The following VSTM2A variants were observed in gnomAD, a reference collection of about 807,000 sequenced individuals.
VSTM2A encodes the protein V-set and transmembrane domain containing 2A, also known as V-set and transmembrane domain-containing protein 2A.
A neutral mutation model predicts 27.3 loss-of-function variants in VSTM2A; 13 were observed. That is an observed-to-expected ratio of 0.48 (90% CI 0.31 to 0.76). The LOEUF (loss-of-function observed/expected upper bound fraction) is 0.76. Ranked by LOEUF, VSTM2A falls within the 30% of genes least tolerant of loss-of-function variation. The probability of loss-of-function intolerance (pLI) is 0.05; values close to 1 mark genes in which losing one functional copy is unlikely to be tolerated. For missense variants in VSTM2A, 280 were observed against 310.0 expected (o/e 0.90, Z 0.73); for synonymous variants, 142 against 125.7 (o/e 1.13, Z -0.87).
intron 4 of VSTM2A, among the ~76,000 whole-genome samples, chr7:54,567,579 A>G (rs1255092181): frequency 6.6e-6 from 1 of 152,212 alleles, no homozygotes; most frequent in Non-Finnish European, 1.5e-5. Context: ...AATTCGAGCC[A>G]ATCTGCAATG....
chr7:54,546,927 C>A lies in VSTM2A; in HGVS notation c.247-20C>A, dbSNP rs781595003. 3.1e-6 allele frequency: 5 copies of A among 1,598,702 alleles called. No individual in the cohort carries two copies. The highest frequency in any genetic ancestry group is 4.3e-6 in the Non-Finnish European group (5 of 1,174,994). ...CGGGCGGGCCTGGCGCGGGACTGAG[C>A]GTTCGCTCCTTGCCCGCAGGTGGAG... On this transcript the variant is annotated intron_variant, in intron 2 of 4. Transcript: ENST00000402613.
At chr7:54,555,401 G>A (rs1313785188) in intron 4 of VSTM2A, among the ~76,000 whole-genome samples, 1 of 152,092 alleles carries the variant, frequency 6.6e-6, no homozygotes, top group Non-Finnish European at 1.5e-5. Flanking sequence ...TTTCCATTTG[G>A]TATTGCCTGA....
At chr7:54,547,225 A>G (rs985360735) in intron 3 of VSTM2A, 1 of 463,206 alleles carries the variant, frequency 2.2e-6, no homozygotes, top group African/African-American at 2.0e-5. Flanking sequence ...TTTGCTATCC[A>G]GAGAGGTTGT....
At chr7:54,544,342 T>C (rs184657803) in intron 1 of VSTM2A, among the ~76,000 whole-genome samples, 1 of 152,240 alleles carries the variant, frequency 6.6e-6, no homozygotes, top group Non-Finnish European at 1.5e-5. Flanking sequence ...AAAAGGTATT[T>C]GGATCTACCT....
Position 54,569,996 on chromosome 7 carries a change from A to G in VSTM2A, c.*777A>G, listed in dbSNP as rs1029641931. 1.3e-5 allele frequency: 2 copies of G among 152,108 alleles called. No individual in the cohort carries two copies. Among genetic ancestry groups the G allele is most frequent in the Non-Finnish European group, 2.9e-5 (2 of 68,022 alleles). The allele number at this position is 152,108 out of a possible 1,614,324, so 9.4% of individuals were successfully genotyped here. ...TTGACGAAGCATTTGTTTTTCGTTG[A>G]TAATTCATACACTGCGTGAATTTTG... On this transcript the variant is annotated 3_prime_UTR_variant, in exon 5 of 5. Transcript: ENST00000402613.
At chr7:54,562,901 A>G (rs1788606529) in intron 4 of VSTM2A, among the ~76,000 whole-genome samples, 1 of 152,254 alleles carries the variant, frequency 6.6e-6, no homozygotes, top group Non-Finnish European at 1.5e-5. Flanking sequence ...GCTAACGAAT[A>G]ATGAAAGCAG....
Position 54,543,849 on chromosome 7 carries a change from T to A in VSTM2A, c.80-773T>A, listed in dbSNP as rs566147084. On this transcript the variant is annotated intron_variant, in intron 1 of 4. Transcript: ENST00000402613. ...AAATGCCTTTAGGAGGAAGGAAACA[T>A]TATATTTTTGTGAGTTTCACCAGGG... is the stretch of plus-strand genomic sequence containing the variant. 5.9e-5 allele frequency among the ~76,000 whole-genome samples: 9 copies of A among 152,258 alleles called. No individual in the cohort carries two copies. The South Asian group carries it at 1.9e-3, about 32-fold the overall frequency.
chr7:54,549,576 T>TG (rs999674931), intron 3 of VSTM2A, among the ~76,000 whole-genome samples: 15 of 152,050 alleles, frequency 9.9e-5, no homozygotes, highest in African/African-American at 3.6e-4. Context: ...ATGTAGACAA[T>TG]GGGGGGCACG....
At chr7:54,559,098 A>T (rs1228485321) in intron 4 of VSTM2A, 1 of 152,116 alleles carries the variant, frequency 6.6e-6, no homozygotes, top group Non-Finnish European at 1.5e-5. Flanking sequence ...ATTAAAAGTG[A>T]TCATATAATA....
intron 4 of VSTM2A, among the ~76,000 whole-genome samples, chr7:54,561,357 A>C (rs1336575430): frequency 6.6e-6 from 1 of 151,688 alleles, no homozygotes; most frequent in African/African-American, 2.4e-5. Context: ...AATATACATG[A>C]AGTTTAATGT....
chr7:54,564,697 T>C (rs1417066445), intron 4 of VSTM2A, among the ~76,000 whole-genome samples: 1 of 152,150 alleles, frequency 6.6e-6, no homozygotes, highest in East Asian at 1.9e-4. Context: ...AATGTAAACT[T>C]TCCTGGGCCC....
chr7:54,542,949 G>C (rs866239180), intron 1 of VSTM2A, 140 bp downstream of exon 1: 14 of 799,000 alleles, frequency 1.8e-5, no homozygotes, highest in Middle Eastern at 4.7e-4. Context: ...TGTTCTGTTT[G>C]ACGATTTTTT....
intron 4 of VSTM2A, among the ~76,000 whole-genome samples, chr7:54,562,174 G>A (rs372098375): frequency 7.9e-5 from 12 of 152,186 alleles, no homozygotes; most frequent in East Asian, 7.7e-4. Context: ...TGTCTGCCTC[G>A]GCCTCCCAAA....
chr7:54,542,751 G>GT lies in VSTM2A; in HGVS notation c.22dup (p.Tyr8LeufsTer100). On this transcript the variant is annotated frameshift_variant, in exon 1 of 5. Coordinates refer to ENST00000402613, the MANE Select transcript of VSTM2A (RefSeq NM_001301009.2). LOFTEE classifies it high-confidence loss of function. ...TTGGAATGATGGGGATCTTTTTGGT[G>GT]TATGTTGGATTTGTTTTCTTTTCCG... The GT allele has an allele frequency of 6.2e-7, 1 of 1,613,898 alleles. No homozygotes were observed. Among genetic ancestry groups the GT allele is most frequent in the Non-Finnish European group, 8.5e-7 (1 of 1,179,846 alleles).
chr7:54,546,443 C>T (rs1416232906), intron 2 of VSTM2A, among the ~76,000 whole-genome samples: 1 of 151,628 alleles, frequency 6.6e-6, no homozygotes, highest in Admixed American at 6.6e-5. Context: ...CGGGGCGGGA[C>T]GGCAGGCGGG....
chr7:54,544,202 C>A (rs2115749886), intron 1 of VSTM2A, among the ~76,000 whole-genome samples: 1 of 152,326 alleles, frequency 6.6e-6, no homozygotes, highest in Non-Finnish European at 1.5e-5. Flanking sequence ...TTACATGAAA[C>A]ATCCAGTTAG....
At chr7:54,544,478 C>T (rs1203154026) in intron 1 of VSTM2A, 144 bp from the exon 2 acceptor site, 4 of 978,538 alleles carry the variant, frequency 4.1e-6, no homozygotes, top group Non-Finnish European at 4.7e-6. Context: ...AGGAAGGGGG[C>T]TGGGGGAACC....
At chr7:54,547,112 C>G in intron 3 of VSTM2A, 115 bp downstream of exon 3, 1 of 1,219,528 alleles carries the variant, frequency 8.2e-7, no homozygotes, top group South Asian at 1.6e-5. Flanking sequence ...CCGGGTGCCC[C>G]TTGCTTGCCT....
At chr7:54,549,770 T>C in intron 3 of VSTM2A, 64 bp from the exon 4 acceptor site, 1 of 1,438,338 alleles carries the variant, frequency 7.0e-7, no homozygotes, top group Non-Finnish European at 9.3e-7. Flanking sequence ...AAGCTCAGGG[T>C]AAAAAATGGA....
Sources: gnomAD v4.1 joint callset for allele counts (sites outside exome capture counted in the v4.1 genomes callset) on GRCh38, gnomAD v4.1.1 for gene constraint, MANE v1.5 for transcripts, NCBI Gene and HGNC (gene_info 2026-07-23, HGNC 2026-07-21) for gene names.